TSPAN3: variants seen among roughly 807,000 people sequenced by gnomAD.
TSPAN3 encodes the protein tetraspanin-3.
TSPAN3 carries 9 observed loss-of-function variants against 31.1 expected under a neutral mutation model. The ratio of observed to expected loss-of-function variants is 0.29; its 90% CI spans 0.17 to 0.50. The LOEUF is 0.50. TSPAN3 is among the 20% of genes least tolerant of loss of function. TSPAN3 has a pLI of 0.98. For synonymous variants in TSPAN3, 129 were observed against 114.3 expected (o/e 1.13, Z -0.82); for missense variants, 252 against 313.5 (o/e 0.80, Z 1.48).
intron 1 of TSPAN3, among the ~76,000 whole-genome samples, chr15:77,063,166 T>C (rs1201750259): frequency 1.3e-5 from 2 of 152,168 alleles, no homozygotes; most frequent in East Asian, 3.8e-4. Flanking sequence ...TCTGCCAATC[T>C]CTCCCACTTA....
intron 1 of TSPAN3, among the ~76,000 whole-genome samples, chr15:77,067,444 T>G (rs1325319409): frequency 6.6e-6 from 1 of 152,196 alleles, no homozygotes; most frequent in Non-Finnish European, 1.5e-5. Context: ...CATAAGAAAG[T>G]GTAGTTTAAA....
chr15:77,055,751 C>G, intron 3 of TSPAN3, 38 bp downstream of exon 3: 1 of 1,517,730 alleles, frequency 6.6e-7, no homozygotes, highest in Non-Finnish European at 8.9e-7. Context: ...CTTAAACCAC[C>G]TTTTAAGGCA....
At chr15:77,047,684 G>C (rs972605490) in intron 6 of TSPAN3, among the ~76,000 whole-genome samples, 3 of 152,160 alleles carry the variant, frequency 2.0e-5, no homozygotes, top group African/African-American at 4.8e-5. Flanking sequence ...GTCATGCCAT[G>C]TTATTTTGGA....
chr15:77,056,308 CTA>C, intron 1 of TSPAN3, 53 bp from the exon 2 acceptor site: 1 of 1,407,218 alleles, frequency 7.1e-7, no homozygotes, highest in Non-Finnish European at 9.6e-7. Context: ...TAAAAATTTC[CTA>C]TTATTGCTTA....
intron 3 of TSPAN3, 28 bp downstream of exon 3, chr15:77,055,761 A>C (rs2076764761): frequency 6.4e-7 from 1 of 1,554,346 alleles, no homozygotes; most frequent in African/African-American, 1.4e-5. Context: ...CTTTTAAGGC[A>C]TTATGTGAAT....
chr15:77,045,642 C>T lies in TSPAN3; in HGVS notation c.*1193G>A, dbSNP rs1403960336. 1 of 152,328 alleles carries T rather than the reference C, an allele frequency of 6.6e-6. No individual in the cohort carries two copies. The highest frequency in any genetic ancestry group is 2.4e-5 in the African/African-American group (1 of 41,452). The allele number at this position is 152,328 out of a possible 1,614,324, so 9.4% of individuals were successfully genotyped here. A position where few individuals can be genotyped will look rare whatever the true frequency, so the allele number is the denominator to read the frequency against. ...CTTTCAACAAAGCCTATCCAGCCTC[C>T]AAGCTTGGGCATCTCCTCCAGGAAG... On this transcript the variant is annotated 3_prime_UTR_variant, in exon 7 of 7. Coordinates refer to ENST00000267970, the MANE Select transcript of TSPAN3 (RefSeq NM_005724.6).
intron 1 of TSPAN3, among the ~76,000 whole-genome samples, chr15:77,062,367 T>C (rs1266360635): frequency 6.6e-6 from 1 of 152,182 alleles, no homozygotes; most frequent in Non-Finnish European, 1.5e-5. Flanking sequence ...CACAACTACT[T>C]CTTATGTAAG....
At chr15:77,061,379 T>C (rs1473446847) in intron 1 of TSPAN3, among the ~76,000 whole-genome samples, 1 of 151,872 alleles carries the variant, frequency 6.6e-6, no homozygotes, top group African/African-American at 2.4e-5. Flanking sequence ...AATACAAAAT[T>C]AGCCGGGCGT....
At chr15:77,046,952 G>GA in intron 6 of TSPAN3, 25 bp from the exon 7 acceptor site, 4 of 1,546,532 alleles carry the variant, frequency 2.6e-6, no homozygotes, top group Middle Eastern at 1.7e-4. Context: ...CAACAATGGG[G>GA]AAAAAAGGCT....
chr15:77,053,495 G>GAAAAAAAAAA (rs1316526184), intron 4 of TSPAN3, among the ~76,000 whole-genome samples: 1 of 69,570 alleles, frequency 1.4e-5, no homozygotes, highest in Non-Finnish European at 2.8e-5. Flanking sequence ...AAAAAAAAAA[G>GAAAAAAAAAA]AAAAGAAAAG....
rs962790837 is a variant in TSPAN3, at chr15:77,042,102, A to G, written c.*4733T>C. ...CATCAGACTATGTTGTGAAGACAGA[A>G]AGAGGATCTTGTAGGATAAAATTCC... On this transcript the variant is annotated 3_prime_UTR_variant, in exon 7 of 7. Coordinates refer to ENST00000267970, the MANE Select transcript of TSPAN3 (RefSeq NM_005724.6). The G allele has an allele frequency of 6.6e-6, 1 of 152,236 alleles. No individual in the cohort carries two copies. Among genetic ancestry groups the G allele is most frequent in the Non-Finnish European group, 1.5e-5 (1 of 68,050 alleles). The allele number at this position is 152,236 out of a possible 1,614,324, so 9.4% of individuals were successfully genotyped here.
intron 1 of TSPAN3, among the ~76,000 whole-genome samples, chr15:77,066,119 A>G (rs1321942586): frequency 1.3e-5 from 2 of 152,272 alleles, no homozygotes; most frequent in African/African-American, 2.4e-5. Context: ...TAAATAATCA[A>G]TTAATTTACC....
chr15:77,049,743 CCAAA>C (rs1386906849), intron 6 of TSPAN3, among the ~76,000 whole-genome samples: 2 of 152,134 alleles, frequency 1.3e-5, no homozygotes, highest in Non-Finnish European at 2.9e-5. Flanking sequence ...GCAAGAGTCA[CCAAA>C]CATTTTCTTA....
intron 1 of TSPAN3, among the ~76,000 whole-genome samples, chr15:77,065,489 C>G (rs146559089): frequency 6.6e-6 from 1 of 152,114 alleles, no homozygotes; most frequent in Admixed American, 6.5e-5. Context: ...TGCAGTGGCT[C>G]GATCGCCGCT....
intron 1 of TSPAN3, chr15:77,068,171 TTCC>T (rs1246980029): frequency 6.6e-6 from 1 of 152,196 alleles, no homozygotes; most frequent in East Asian, 1.9e-4. Context: ...CTAATGCTGT[TTCC>T]TCATTAGCTA....
intron 1 of TSPAN3, among the ~76,000 whole-genome samples, chr15:77,068,882 A>G (rs1228912129): frequency 2.6e-5 from 4 of 152,026 alleles, no homozygotes; most frequent in African/African-American, 9.7e-5. Flanking sequence ...TGTCCAGTCT[A>G]CCACTGATGG....
In TSPAN3 at chr15:77,042,087, T is replaced by C. The variant is rs909528239; in HGVS notation, c.*4748A>G. On this transcript the variant is annotated 3_prime_UTR_variant, in exon 7 of 7. Coordinates refer to ENST00000267970, the MANE Select transcript of TSPAN3 (RefSeq NM_005724.6). The stretch of plus-strand genomic sequence containing the variant: ...TAGACATGGAAGGAGCATCAGACTA[T>C]GTTGTGAAGACAGAAAGAGGATCTT... The C allele has an allele frequency of 2.0e-5, 3 of 152,158 alleles. No individual in the cohort carries two copies. The highest frequency in any genetic ancestry group is 1.9e-4 in the East Asian group (1 of 5,192). 9.4% of individuals were successfully genotyped at this position (152,158 alleles called of 1,614,324 possible). A position where few individuals can be genotyped will look rare whatever the true frequency, so the allele number is the denominator to read the frequency against.
intron 1 of TSPAN3, among the ~76,000 whole-genome samples, chr15:77,062,666 G>A (rs2076807508): frequency 6.6e-6 from 1 of 152,166 alleles, no homozygotes; most frequent in South Asian, 2.1e-4. Context: ...CCTCAGCATT[G>A]ATGCCTTTAT....
At position 77,044,803 on chromosome 15, in the gene TSPAN3, A is replaced by G. The variant is rs2076679609; in HGVS notation, c.*2032T>C. The stretch of plus-strand genomic sequence containing the variant: ...TCCAAATATTGCTCACCTCAGGGCC[A>G]GCCTGTGACAGGGTACCCACAGGAT... On this transcript the variant is annotated 3_prime_UTR_variant, in exon 7 of 7. Transcript: ENST00000267970. The G allele has an allele frequency of 6.6e-6, 1 of 152,260 alleles. No homozygotes were observed. The highest frequency in any genetic ancestry group is 2.1e-4 in the South Asian group (1 of 4,828). The allele number at this position is 152,260 out of a possible 1,614,324, so 9.4% of individuals were successfully genotyped here.
Sources: allele counts gnomAD v4.1 joint callset (sites outside exome capture counted in the v4.1 genomes callset), GRCh38; gene constraint gnomAD v4.1.1; transcripts MANE v1.5; gene names NCBI Gene and HGNC (gene_info 2026-07-23, HGNC 2026-07-21).